The following PDIA5 variants were observed in gnomAD, a reference collection of about 807,000 sequenced individuals.
The protein encoded by PDIA5 is protein disulfide-isomerase A5.
A neutral mutation model predicts 77.6 loss-of-function variants in PDIA5; 58 were observed. The ratio of observed to expected loss-of-function variants is 0.75; its 90% CI spans 0.61 to 0.93. The LOEUF (loss-of-function observed/expected upper bound fraction) is 0.93. Among genes scored for constraint, PDIA5 ranks in the 40% least tolerant of loss-of-function variants. The pLI is 0.00. For synonymous variants in PDIA5, 250 were observed against 252.1 expected (o/e 0.99, Z 0.08); for missense variants, 630 against 647.7 (o/e 0.97, Z 0.30).
chr3:123,105,982 G>A (rs1211145155), intron 5 of PDIA5, among the ~76,000 whole-genome samples: 1 of 152,208 alleles, frequency 6.6e-6, no homozygotes, highest in East Asian at 1.9e-4. Flanking sequence ...CCCTGCCCCT[G>A]TGCATCTTCC....
rs1428926347 is a variant in PDIA5 at position 123,154,971 on chromosome 3, G to T, written c.1274G>T (p.Trp425Leu). 1.2e-6 allele frequency: 2 copies of T among 1,600,794 alleles called. No homozygotes were observed. Among genetic ancestry groups the T allele is most frequent in the Non-Finnish European group, 1.7e-6 (2 of 1,168,040 alleles). The change falls in exon 15 of 17, where the codon TGG becomes TTG. Residue 425 changes from tryptophan to leucine, a missense_variant and splice_region_variant. Trp to Leu is a moderately conservative substitution (Grantham distance 61). Coordinates refer to ENST00000316218, the MANE Select transcript of PDIA5 (RefSeq NM_006810.4). Reference protein sequence around the residue: ...KHTLVMFYAPWCPHCKKVIPH... With the variant: ...KHTLVMFYAPLCPHCKKVIPH... Reference sequence around the variant, plus strand: ...TGTGCTCTCTTCCCCTCTCACACAGGGTGCCCACACTGTAAGAAGGTCATT... The same window carrying T: ...TGTGCTCTCTTCCCCTCTCACACAGTGTGCCCACACTGTAAGAAGGTCATT...
chr3:123,082,029 A>T (rs1934024737), intron 1 of PDIA5, among the ~76,000 whole-genome samples: 2 of 152,212 alleles, frequency 1.3e-5, no homozygotes, highest in Admixed American at 1.3e-4. Flanking sequence ...CTGGCTGGAA[A>T]CAGACCTGGG....
intron 8 of PDIA5, among the ~76,000 whole-genome samples, chr3:123,120,777 C>G (rs1415608552): frequency 1.3e-5 from 2 of 152,116 alleles, no homozygotes; most frequent in African/African-American, 4.8e-5. Flanking sequence ...GTCCTTTCCC[C>G]AGGGGCCAGG....
chr3:123,079,036 G>A (rs2107908625), intron 1 of PDIA5, among the ~76,000 whole-genome samples: 1 of 152,208 alleles, frequency 6.6e-6, no homozygotes, highest in East Asian at 1.9e-4. Flanking sequence ...TAAACATTTA[G>A]ATTGGACATG....
intron 11 of PDIA5, among the ~76,000 whole-genome samples, chr3:123,144,277 A>G (rs1027573806): frequency 6.6e-6 from 1 of 152,156 alleles, no homozygotes; most frequent in Non-Finnish European, 1.5e-5. Flanking sequence ...GTAGAATTAT[A>G]GCGTTCTCAG....
chr3:123,089,485 G>T (rs1390530144), intron 2 of PDIA5, among the ~76,000 whole-genome samples, 191 bp downstream of exon 2: 1 of 152,230 alleles, frequency 6.6e-6, no homozygotes. Flanking sequence ...TTTCTGATCC[G>T]AGGGGGTGGT....
chr3:123,143,129 G>C (rs867380535), intron 11 of PDIA5, among the ~76,000 whole-genome samples: 14 of 149,870 alleles, frequency 9.3e-5, no homozygotes, highest in African/African-American at 3.2e-4. Context: ...GCTCACACCT[G>C]TAATCTCAGC....
At position 123,094,086 on chromosome 3, in the gene PDIA5, G is replaced by C. The variant is rs369114955; in HGVS notation, c.257+1644G>C. On this transcript the variant is annotated intron_variant, in intron 3 of 16. Coordinates refer to ENST00000316218, the MANE Select transcript of PDIA5 (RefSeq NM_006810.4). ...AACATGATGTCTAGAGTCAATAAAA[G>C]TGCCAATGAGAATATCCTGTGAATT... 1.4e-3 allele frequency among the ~76,000 whole-genome samples: 218 copies of C among 152,316 alleles called. 1 individual carries two copies. Among genetic ancestry groups the C allele is most frequent in the African/African-American group, 4.9e-3 (202 of 41,576 alleles).
At chr3:123,108,981 A>G (rs1934804822) in intron 6 of PDIA5, among the ~76,000 whole-genome samples, 1 of 152,162 alleles carries the variant, frequency 6.6e-6, no homozygotes, top group Admixed American at 6.5e-5. Context: ...GCCTAAACGG[A>G]GTGCTGCTCC....
At chr3:123,068,429 G>C (rs1451861562) in intron 1 of PDIA5, among the ~76,000 whole-genome samples, 1 of 152,178 alleles carries the variant, frequency 6.6e-6, no homozygotes, top group African/African-American at 2.4e-5. Context: ...TCCCTCTTGG[G>C]GAGAACCAGG....
intron 14 of PDIA5, 80 bp from the exon 15 acceptor site, chr3:123,154,891 C>G: frequency 2.1e-6 from 2 of 938,818 alleles, no homozygotes; most frequent in Non-Finnish European, 3.5e-6. Context: ...CTCTCTGGAG[C>G]TTTCAGGAAG....
chr3:123,126,177 C>A (rs1935242135), intron 10 of PDIA5, among the ~76,000 whole-genome samples: 1 of 152,266 alleles, frequency 6.6e-6, no homozygotes, highest in Middle Eastern at 3.4e-3. Context: ...CTGAAACAGG[C>A]TATTATCTCC....
rs563836686 is a variant in PDIA5, at chr3:123,072,617, G to A, written c.42+5411G>A. 3.3e-5 allele frequency among the ~76,000 whole-genome samples: 5 copies of A among 152,308 alleles called. No individual in the cohort carries two copies. The East Asian group carries it at 5.8e-4, about 18-fold the overall frequency. On this transcript the variant is annotated intron_variant, in intron 1 of 16. Transcript: ENST00000316218. ...AGGCTGCTGCAGAGATCCCAGGTAG[G>A]GGGGGTGGTGCAGAAGGGCTCAGGA...
chr3:123,069,482 C>G (rs946689936), intron 1 of PDIA5, among the ~76,000 whole-genome samples: 8 of 152,052 alleles, frequency 5.3e-5, no homozygotes, highest in East Asian at 1.9e-4. Context: ...AAGAAATATC[C>G]CATAGACTGG....
intron 3 of PDIA5, among the ~76,000 whole-genome samples, chr3:123,095,579 A>G (rs1934412428): frequency 6.6e-6 from 1 of 152,070 alleles, no homozygotes; most frequent in Non-Finnish European, 1.5e-5. Flanking sequence ...GAGAAACCCC[A>G]TCTCTACTAA....
At position 123,102,050 on chromosome 3, in the gene PDIA5, C is replaced by T. The variant is rs142079421; in HGVS notation, c.258-361C>T. Reference sequence around the variant, plus strand: ...TCAGCCTCCTGAGTAGCTGGGATTACAGGCACGTACCACCACACCTGGCTA... The same window carrying T: ...TCAGCCTCCTGAGTAGCTGGGATTATAGGCACGTACCACCACACCTGGCTA... On this transcript the variant is annotated intron_variant, in intron 3 of 16. Transcript: ENST00000316218. 3.7e-4 allele frequency among the ~76,000 whole-genome samples: 56 copies of T among 151,744 alleles called. 1 individual carries two copies. In the East Asian group the frequency reaches 7.0e-3, roughly 19 times the overall value.
chr3:123,142,103 C>A (rs968928709), intron 11 of PDIA5, among the ~76,000 whole-genome samples: 5 of 152,216 alleles, frequency 3.3e-5, no homozygotes, highest in Non-Finnish European at 7.3e-5. Context: ...CTGGGAGGCA[C>A]AGACTCCTGC....
chr3:123,113,483 T>A (rs1168653662), intron 7 of PDIA5, among the ~76,000 whole-genome samples: 9 of 151,936 alleles, frequency 5.9e-5, no homozygotes. Context: ...AGCTTATTGG[T>A]GGTAGGGGAG....
intron 13 of PDIA5, among the ~76,000 whole-genome samples, chr3:123,147,942 GT>G (rs1421259817): frequency 2.0e-5 from 3 of 152,200 alleles, no homozygotes; most frequent in Admixed American, 6.5e-5. Context: ...TCACTAATCA[GT>G]GCTCCAGAGT....
Sources: allele counts gnomAD v4.1 joint callset (sites outside exome capture counted in the v4.1 genomes callset), GRCh38; gene constraint gnomAD v4.1.1; transcripts MANE v1.5; gene names NCBI Gene and HGNC (gene_info 2026-07-23, HGNC 2026-07-21).